PCDH15: variants seen among roughly 807,000 people sequenced by gnomAD.
The protein encoded by PCDH15 is protocadherin-15.
In PCDH15, 129 loss-of-function variants were observed where a neutral mutation model predicts 178.5. The ratio of observed to expected loss-of-function variants is 0.72; its 90% confidence interval spans 0.63 to 0.84. The LOEUF is 0.84. Among genes scored for constraint, PCDH15 ranks in the 40% least tolerant of loss-of-function variants. PCDH15 has a pLI of 0.00. For missense variants in PCDH15, 2,230 were observed against 2,099.9 expected (o/e 1.06, Z -1.21); for synonymous variants, 800 against 732.0 (o/e 1.09, Z -1.50).
At chr10:53,972,384 G>C (rs144895870) in intron 21 of PCDH15, among the ~76,000 whole-genome samples, 2,565 of 152,116 alleles carry the variant, frequency 0.017, 72 homozygotes, top group African/African-American at 0.058. Context: ...ATGTGCAAAG[G>C]CTTCATGACT....
At chr10:55,525,615 C>G (rs1435446297) in intron 2 of PCDH15, among the ~76,000 whole-genome samples, 1 of 151,830 alleles carries the variant, frequency 6.6e-6, no homozygotes, top group African/African-American at 2.4e-5. Context: ...TTGAAAGACT[C>G]TTTTATTTAT....
At position 55,108,359 on chromosome 10, in the gene PCDH15, G is replaced by A. The variant is rs148526006; in HGVS notation, c.-80+58217C>T. Among the ~76,000 whole-genome samples the A allele has an allele frequency of 7.5e-4, 114 of 152,172 alleles. 1 individual carries two copies. In the East Asian group the frequency reaches 0.021, roughly 28 times the overall value. Reference sequence around the variant, plus strand: ...AATAATAGTATTTAAATAGAGTTACGGGTTATGGATTTATTACATTTTCTA... The same window carrying A: ...AATAATAGTATTTAAATAGAGTTACAGGTTATGGATTTATTACATTTTCTA... On this transcript the variant is annotated intron_variant, in intron 2 of 5. Transcript: ENST00000458638.
intron 15 of PCDH15, among the ~76,000 whole-genome samples, chr10:54,128,292 G>A (rs2042147025): frequency 6.6e-6 from 1 of 152,098 alleles, no homozygotes; most frequent in Non-Finnish European, 1.5e-5. Flanking sequence ...ACATGCTTCA[G>A]TATCCTTTAT....
chr10:55,021,458 T>C (rs955607922), intron 2 of PCDH15, among the ~76,000 whole-genome samples: 2 of 152,206 alleles, frequency 1.3e-5, no homozygotes, highest in Non-Finnish European at 2.9e-5. Context: ...TATGGTAAAT[T>C]ATAGGATGTG....
intron 2 of PCDH15, chr10:54,599,967 A>T: frequency 8.8e-7 from 1 of 1,132,268 alleles, no homozygotes; most frequent in Non-Finnish European, 1.3e-6. Context: ...TGGAAAAGCC[A>T]GAAAAAGCCA....
rs182079336 is a variant in PCDH15 at position 54,241,815 on chromosome 10, G to A, written c.877-4884C>T. On this transcript the variant is annotated intron_variant, in intron 8 of 37. Coordinates refer to ENST00000644397, the MANE Select transcript of PCDH15 (RefSeq NM_001384140.1). The stretch of plus-strand genomic sequence containing the variant: ...ATAATGAGAAGGTAATCATAGAAAC[G>A]ATTAAACAATAACAAAAAAAGTCTT... Among the ~76,000 whole-genome samples the A allele has an allele frequency of 2.4e-3, 363 of 151,434 alleles. 1 individual carries two copies. Among genetic ancestry groups the A allele is most frequent in the African/African-American group, 8.4e-3 (346 of 41,384 alleles).
intron 26 of PCDH15, among the ~76,000 whole-genome samples, chr10:53,890,083 A>C (rs1483297454): frequency 6.6e-6 from 1 of 152,204 alleles, no homozygotes; most frequent in Non-Finnish European, 1.5e-5. Flanking sequence ...GTGATTTTGC[A>C]TATGCAGGTT....
chr10:55,426,455 G>A (rs1449130889), intron 2 of PCDH15, among the ~76,000 whole-genome samples: 1 of 152,086 alleles, frequency 6.6e-6, no homozygotes, highest in Non-Finnish European at 1.5e-5. Context: ...AGAATCTTTG[G>A]GTGCTGGCAG....
intron 1 of PCDH15, among the ~76,000 whole-genome samples, chr10:54,686,041 ATTTTTTT>A (rs66539612): frequency 7.9e-6 from 1 of 126,880 alleles, no homozygotes; most frequent in Non-Finnish European, 1.6e-5. Flanking sequence ...AAGACAGCCA[ATTTTTTT>A]TTTTTTTTTT....
intron 2 of PCDH15, among the ~76,000 whole-genome samples, chr10:55,467,410 T>G: frequency 6.8e-6 from 1 of 147,708 alleles, no homozygotes. Context: ...GGCATTGCCC[T>G]GGTTGGAGAT....
intron 2 of PCDH15, chr10:54,599,643 A>T (rs2134057320): frequency 2.7e-6 from 1 of 364,522 alleles, no homozygotes; most frequent in Admixed American, 4.0e-5. Flanking sequence ...CAGCAAAAGC[A>T]AAAATTGACA....
At chr10:55,415,565 G>T (rs999955229) in intron 2 of PCDH15, among the ~76,000 whole-genome samples, 5 of 151,558 alleles carry the variant, frequency 3.3e-5, no homozygotes, top group Non-Finnish European at 5.9e-5. Flanking sequence ...CTAAACAAGG[G>T]TCACCAATTG....
chr10:54,153,009 G>A lies in PCDH15; in HGVS notation c.1784+91C>T, dbSNP rs146734479. The A allele has an allele frequency of 1.2e-3, 1,661 of 1,379,412 alleles. 12 individuals are homozygous for A. In the African/African-American group the frequency reaches 0.02, roughly 16 times the overall value. 85.4% of individuals were successfully genotyped at this position (1,379,412 alleles called of 1,614,324 possible). A position where few individuals can be genotyped will look rare whatever the true frequency, so the allele number is the denominator to read the frequency against. ...TTCTGATCTAATTTAGATGTTTATAGGATAAAAGAATACTTGCCGCGCTTC... is the reference window on the plus strand; with the variant it reads ...TTCTGATCTAATTTAGATGTTTATAAGATAAAAGAATACTTGCCGCGCTTC... On this transcript the variant is annotated intron_variant, in intron 14 of 37. Coordinates refer to ENST00000644397, the MANE Select transcript of PCDH15 (RefSeq NM_001384140.1).
intron 6 of PCDH15, among the ~76,000 whole-genome samples, chr10:54,344,110 T>C (rs543039978): frequency 6.5e-4 from 99 of 152,320 alleles, no homozygotes; most frequent in African/African-American, 2.3e-3. Context: ...TAATTTTATA[T>C]GAAGTCTAAA....
intron 1 of PCDH15, among the ~76,000 whole-genome samples, chr10:54,670,650 A>G (rs906832038): frequency 7.9e-5 from 12 of 152,166 alleles, no homozygotes; most frequent in African/African-American, 2.7e-4. Flanking sequence ...AGTTGGTTTA[A>G]TAAAATATAA....
intron 10 of PCDH15, among the ~76,000 whole-genome samples, chr10:54,202,236 G>C (rs1351955351): frequency 6.6e-6 from 1 of 151,696 alleles, no homozygotes. Context: ...TAATTTACTT[G>C]CTTTACTTAC....
chr10:54,609,608 T>C (rs2092894954), intron 2 of PCDH15, among the ~76,000 whole-genome samples: 1 of 151,924 alleles, frequency 6.6e-6, no homozygotes, highest in African/African-American at 2.4e-5. Context: ...AAATAACCCA[T>C]CCTTGACTGA....
chr10:54,191,823 T>C (rs2049023129), intron 11 of PCDH15, among the ~76,000 whole-genome samples: 1 of 150,458 alleles, frequency 6.6e-6, no homozygotes, highest in Admixed American at 6.6e-5. Flanking sequence ...TAGGAGGCTG[T>C]TGTGGGAGAA....
intron 2 of PCDH15, among the ~76,000 whole-genome samples, chr10:55,564,639 A>G (rs1383707468): frequency 4.0e-5 from 6 of 151,696 alleles, no homozygotes; most frequent in Non-Finnish European, 8.9e-5. Context: ...TGAATACACA[A>G]ACAGATTGAA....
Sources: gnomAD v4.1 joint callset for allele counts (sites outside exome capture counted in the v4.1 genomes callset) on GRCh38, gnomAD v4.1.1 for gene constraint, MANE v1.5 for transcripts, NCBI Gene and HGNC (gene_info 2026-07-23, HGNC 2026-07-21) for gene names.